The following UBE2H variants were observed in gnomAD, a reference collection of about 807,000 sequenced individuals.
UBE2H encodes the protein ubiquitin-conjugating enzyme E2 H.
UBE2H carries 3 observed loss-of-function variants against 29.0 expected under a neutral mutation model. The ratio of observed to expected loss-of-function variants is 0.10; its 90% CI spans 0.05 to 0.27. The LOEUF (loss-of-function observed/expected upper bound fraction) is 0.27. Ranked by LOEUF, UBE2H falls within the 10% of genes least tolerant of loss-of-function variation. The pLI is 1.00. For missense variants in UBE2H, 68 were observed against 228.2 expected (o/e 0.30, Z 4.52); for synonymous variants, 69 against 82.9 (o/e 0.83, Z 0.91).
intron 1 of UBE2H, among the ~76,000 whole-genome samples, chr7:129,947,741 T>A (rs1265316058): frequency 4.7e-5 from 1 of 21,060 alleles, no homozygotes; most frequent in Non-Finnish European, 1.8e-4. Flanking sequence ...GCCTGTCCTT[T>A]CCGACTAAAA....
intron 1 of UBE2H, among the ~76,000 whole-genome samples, chr7:129,893,725 G>T (rs1056331764): frequency 6.6e-6 from 1 of 152,204 alleles, no homozygotes; most frequent in African/African-American, 2.4e-5. Context: ...CTGCTTTGCT[G>T]TTTTATGGCA....
intron 1 of UBE2H, among the ~76,000 whole-genome samples, chr7:129,939,026 T>C (rs986525129): frequency 2.0e-5 from 3 of 152,144 alleles, no homozygotes; most frequent in Admixed American, 6.5e-5. Flanking sequence ...CTCGAACTCC[T>C]GACCTCAGGT....
intron 1 of UBE2H, among the ~76,000 whole-genome samples, chr7:129,905,102 T>C (rs1806789806): frequency 6.6e-6 from 1 of 152,026 alleles, no homozygotes; most frequent in South Asian, 2.1e-4. Context: ...GTTTTCCACA[T>C]AGCAAGATTC....
chr7:129,832,515 G>T lies in UBE2H; in HGVS notation c.*2422C>A. On this transcript the variant is annotated 3_prime_UTR_variant, in exon 7 of 7. Transcript: ENST00000355621. ...ACACATACACACACTCTCTCTCTCT[G>T]CAGCCACACTCAAATCTGCTAAACT... 8.3e-6 allele frequency: 1 copy of T among 120,160 alleles called. No homozygotes were observed. The allele number at this position is 120,160 out of a possible 1,614,324, so 7.4% of individuals were successfully genotyped here. A position where few individuals can be genotyped will look rare whatever the true frequency, so the allele number is the denominator to read the frequency against.
chr7:129,865,102 T>C, intron 3 of UBE2H: 1 of 416,994 alleles, frequency 2.4e-6, no homozygotes, highest in Non-Finnish European at 4.7e-6. Flanking sequence ...AATGTAAAAC[T>C]ATTATTATAT....
chr7:129,865,418 T>C (rs1310952471), intron 3 of UBE2H, among the ~76,000 whole-genome samples: 4 of 152,148 alleles, frequency 2.6e-5, no homozygotes, highest in Non-Finnish European at 5.9e-5. Flanking sequence ...TTCCCTTTAT[T>C]TGAGAGGATA....
At chr7:129,943,893 G>C (rs928960282) in intron 1 of UBE2H, among the ~76,000 whole-genome samples, 1 of 151,878 alleles carries the variant, frequency 6.6e-6, no homozygotes, top group Non-Finnish European at 1.5e-5. Context: ...TTTAAAAAAG[G>C]AAGATAAAGT....
intron 1 of UBE2H, among the ~76,000 whole-genome samples, chr7:129,920,223 A>C (rs1807128925): frequency 6.6e-6 from 1 of 151,902 alleles, no homozygotes; most frequent in Non-Finnish European, 1.5e-5. Context: ...ATATTTATGC[A>C]TATATATATG....
chr7:129,857,764 G>C (rs1805732278), intron 4 of UBE2H, among the ~76,000 whole-genome samples: 1 of 152,192 alleles, frequency 6.6e-6, no homozygotes, highest in South Asian at 2.1e-4. Flanking sequence ...GGGGAAAATA[G>C]TAACTATGCA....
At chr7:129,888,625 G>A (rs1806412487) in intron 1 of UBE2H, among the ~76,000 whole-genome samples, 1 of 152,064 alleles carries the variant, frequency 6.6e-6, no homozygotes, top group Non-Finnish European at 1.5e-5. Context: ...CAGGCGCCTG[G>A]CACCACACCT....
intron 3 of UBE2H, 106 bp downstream of exon 3, chr7:129,879,462 T>A (rs1205355461): frequency 4.6e-6 from 5 of 1,098,816 alleles, no homozygotes; most frequent in African/African-American, 1.6e-5. Flanking sequence ...AAGGAAAAAT[T>A]CAATTAGACA....
intron 1 of UBE2H, chr7:129,949,083 C>G: frequency 4.4e-6 from 2 of 455,648 alleles, no homozygotes; most frequent in Non-Finnish European, 8.8e-6. Flanking sequence ...ACAAGCAGCT[C>G]TAGCCTTCAG....
At chr7:129,841,775 T>C (rs1212571161) in intron 5 of UBE2H, among the ~76,000 whole-genome samples, 1 of 152,196 alleles carries the variant, frequency 6.6e-6, no homozygotes. Flanking sequence ...AAAGAGCCAC[T>C]TTATAGTAAG....
At chr7:129,899,785 A>G (rs1806672111) in intron 1 of UBE2H, among the ~76,000 whole-genome samples, 3 of 152,332 alleles carry the variant, frequency 2.0e-5, no homozygotes, top group African/African-American at 7.2e-5. Context: ...AAGGAGTAGT[A>G]TTTTACCTAC....
At chr7:129,862,005 T>C (rs1805812877) in intron 3 of UBE2H, among the ~76,000 whole-genome samples, 2 of 152,204 alleles carry the variant, frequency 1.3e-5, no homozygotes, top group African/African-American at 4.8e-5. Flanking sequence ...ATTTGAAATC[T>C]CGTATCTTAA....
At chr7:129,854,066 T>TTTTTTTTTTTATTTTTTTTA (rs1805660785) in intron 5 of UBE2H, among the ~76,000 whole-genome samples, 1 of 148,892 alleles carries the variant, frequency 6.7e-6, no homozygotes, top group Non-Finnish European at 1.5e-5. Flanking sequence ...GTTAGTTTTT[T>TTTTTTTTTTTATTTTTTTTA]TTTTTTTTTT....
chr7:129,875,319 G>T (rs189872729), intron 3 of UBE2H, among the ~76,000 whole-genome samples: 163 of 152,244 alleles, frequency 1.1e-3, no homozygotes, highest in African/African-American at 3.5e-3. Flanking sequence ...CTTCAAAGAG[G>T]TGTTAAAACA....
chr7:129,876,600 C>T (rs1367146268), intron 3 of UBE2H, among the ~76,000 whole-genome samples: 3 of 152,110 alleles, frequency 2.0e-5, no homozygotes, highest in Non-Finnish European at 4.4e-5. Context: ...ACTCGTTTTT[C>T]CATTCATCTT....
intron 1 of UBE2H, among the ~76,000 whole-genome samples, chr7:129,902,253 C>CT (rs1302817777): frequency 6.6e-6 from 1 of 152,150 alleles, no homozygotes; most frequent in Non-Finnish European, 1.5e-5. Flanking sequence ...AATCTCAGCA[C>CT]TTTGGGAGGC....
Sources: allele counts gnomAD v4.1 joint callset (sites outside exome capture counted in the v4.1 genomes callset), GRCh38; gene constraint gnomAD v4.1.1; transcripts MANE v1.5; gene names NCBI Gene and HGNC (gene_info 2026-07-23, HGNC 2026-07-21).